Variants in PRR14L observed in about 807,000 individuals in gnomAD.
PRR14L encodes protein PRR14L.
Under a neutral mutation model 155.0 loss-of-function variants are expected in PRR14L, and 80 were observed. The observed-to-expected ratio is 0.52, with a 90% CI of 0.43 to 0.62. The LOEUF is 0.62. PRR14L is among the 20% of genes least tolerant of loss of function. The pLI, the probability that PRR14L is intolerant of heterozygous loss-of-function variation, is 0.00. For missense variants in PRR14L, 2,469 were observed against 2,548.0 expected (o/e 0.97, Z 0.67); for synonymous variants, 883 against 916.0 (o/e 0.96, Z 0.65).
rs1272336354 is a variant in PRR14L, at chr22:31,713,342, G to A, written c.4497C>T (p.Ser1499=). The change falls in exon 4 of 9, where the codon TCC becomes TCT. Residue 1499 remains serine, a synonymous_variant. Coordinates refer to ENST00000327423, the MANE Select transcript of PRR14L (RefSeq NM_173566.3). ...LGAPRKAQDP[S]SAGCDQIHGA... ...CATGTATTTGATCACACCCAGCAGAGGAGGGGTCTTGTGCTTTCCGAGGGG... is the reference window on the plus strand; with the variant it reads ...CATGTATTTGATCACACCCAGCAGAAGAGGGGTCTTGTGCTTTCCGAGGGG... The A allele has an allele frequency of 1.9e-6, 3 of 1,552,164 alleles. No individual in the cohort carries two copies. The African/African-American group carries it at 4.1e-5, about 21-fold the overall frequency.
chr22:31,740,556 T>C (rs1426422837), intron 1 of PRR14L, among the ~76,000 whole-genome samples: 2 of 151,980 alleles, frequency 1.3e-5, no homozygotes, highest in African/African-American at 2.4e-5. Context: ...AGACAAAGTT[T>C]TGATATGTTG....
At chr22:31,749,490 CCT>C (rs1449211784) in intron 1 of PRR14L, among the ~76,000 whole-genome samples, 2 of 152,108 alleles carry the variant, frequency 1.3e-5, no homozygotes, top group Non-Finnish European at 2.9e-5. Flanking sequence ...AGAAAGATCC[CCT>C]CTGTCACTTT....
intron 2 of PRR14L, among the ~76,000 whole-genome samples, chr22:31,728,173 AT>A (rs899955347): frequency 3.9e-5 from 6 of 152,138 alleles, no homozygotes; most frequent in African/African-American, 1.4e-4. Flanking sequence ...TGCAATGGAC[AT>A]GTAACATGAT....
At chr22:31,726,837 A>C (rs2074719015) in intron 2 of PRR14L, among the ~76,000 whole-genome samples, 1 of 149,930 alleles carries the variant, frequency 6.7e-6, no homozygotes, top group Non-Finnish European at 1.5e-5. Context: ...CAAAACACCC[A>C]GTCAGGACAG....
rs1262988366 is a variant in PRR14L, at chr22:31,738,596, G to A, written c.265C>T (p.Pro89Ser). The A allele has an allele frequency of 1.3e-6, 2 of 1,551,990 alleles. No individual in the cohort carries two copies. The highest frequency in any genetic ancestry group is 1.7e-6 in the Non-Finnish European group (2 of 1,147,072). The change falls in exon 2 of 9, where the codon CCT becomes TCT. Residue 89 changes from proline to serine, a missense_variant. By Grantham distance (74) the Pro-to-Ser change is moderately conservative. Transcript: ENST00000327423. ...TYETLDHGSE[P>S]GRCGLVDSTA... ...GAGTCCACTAGCCCACATCGCCCAG[G>A]CTCACTCCCATGATCCAAGGTCTCA...
chr22:31,685,838 T>A, intron 8 of PRR14L, 35 bp from the exon 9 acceptor site: 1 of 1,539,274 alleles, frequency 6.5e-7, no homozygotes, highest in Non-Finnish European at 8.8e-7. Context: ...ACCAACAGAC[T>A]GACTCACATG....
intron 7 of PRR14L, among the ~76,000 whole-genome samples, chr22:31,689,281 G>A (rs891511430): frequency 2.0e-5 from 3 of 152,050 alleles, no homozygotes; most frequent in Admixed American, 6.6e-5. Context: ...CCAAGAGTTC[G>A]AGACCAGCCT....
intron 3 of PRR14L, among the ~76,000 whole-genome samples, chr22:31,722,131 G>A (rs1368104713): frequency 1.3e-5 from 2 of 152,036 alleles, no homozygotes; most frequent in Non-Finnish European, 2.9e-5. Context: ...GATTTTCATC[G>A]AGAAAACTTA....
At chr22:31,732,812 T>C (rs79170757) in intron 2 of PRR14L, among the ~76,000 whole-genome samples, 1 of 152,278 alleles carries the variant, frequency 6.6e-6, no homozygotes, top group East Asian at 1.9e-4. Context: ...TATATAGAGA[T>C]CTTCCTTGTT....
intron 6 of PRR14L, among the ~76,000 whole-genome samples, chr22:31,703,002 GAC>G (rs927385821): frequency 7.3e-5 from 11 of 150,866 alleles, no homozygotes; most frequent in African/African-American, 1.2e-4. Context: ...TTTTTGTAGA[GAC>G]ACAGTTTTGC....
In PRR14L at chr22:31,681,937, CT is replaced by C. The variant is rs1438721441; in HGVS notation, c.*3589del. On this transcript the variant is annotated 3_prime_UTR_variant, in exon 9 of 9. Transcript: ENST00000327423. ...CCTTTCCATGACACCAGGGGAAAAG[CT>C]TACAGAAACAAAACAGAACAAGGGA... The C allele has an allele frequency of 6.6e-6, 1 of 152,118 alleles. No homozygotes were observed. Among genetic ancestry groups the C allele is most frequent in the Non-Finnish European group, 1.5e-5 (1 of 68,004 alleles). The allele number at this position is 152,118 out of a possible 1,614,324, so 9.4% of individuals were successfully genotyped here.
At chr22:31,721,498 G>A (rs2074689921) in intron 3 of PRR14L, among the ~76,000 whole-genome samples, 5 of 151,844 alleles carry the variant, frequency 3.3e-5, no homozygotes. Flanking sequence ...AACCCGGGAG[G>A]CGGAGTTTGC....
chr22:31,734,336 T>G (rs2074767125), intron 2 of PRR14L, among the ~76,000 whole-genome samples: 1 of 152,194 alleles, frequency 6.6e-6, no homozygotes, highest in Admixed American at 6.6e-5. Context: ...CTTCATGTAT[T>G]ACAGATATAG....
chr22:31,732,342 T>G (rs1396621279), intron 2 of PRR14L, among the ~76,000 whole-genome samples: 1 of 152,172 alleles, frequency 6.6e-6, no homozygotes, highest in Non-Finnish European at 1.5e-5. Flanking sequence ...GAACTAGAGT[T>G]TGGGAGTTTC....
intron 7 of PRR14L, among the ~76,000 whole-genome samples, chr22:31,695,993 T>G (rs984702922): frequency 5.3e-5 from 8 of 152,142 alleles, no homozygotes; most frequent in African/African-American, 1.9e-4. Flanking sequence ...AATACTAAGG[T>G]AAAAATCCTA....
chr22:31,725,250 T>A (rs142034662), intron 3 of PRR14L, among the ~76,000 whole-genome samples: 1 of 151,864 alleles, frequency 6.6e-6, no homozygotes, highest in Admixed American at 6.6e-5. Context: ...AAAAAAAATT[T>A]ACAAAATCAG....
chr22:31,730,542 G>A (rs114331131), intron 2 of PRR14L, among the ~76,000 whole-genome samples: 2,267 of 152,310 alleles, frequency 0.015, 57 homozygotes, highest in African/African-American at 0.053. Context: ...GTCCTATCAC[G>A]GTGTTAGGGT....
Position 31,683,503 on chromosome 22 carries a change from T to C in PRR14L, c.*2024A>G, listed in dbSNP as rs1354423145. On this transcript the variant is annotated 3_prime_UTR_variant, in exon 9 of 9. Transcript: ENST00000327423. The stretch of plus-strand genomic sequence containing the variant: ...CCCTGTCCCAGGAAGGGAGAGGTAT[T>C]GAGGTGAAACATAGGTCGTGTCTAT... 2.0e-5 allele frequency: 3 copies of C among 152,258 alleles called. No homozygotes were observed. The highest frequency in any genetic ancestry group is 2.1e-4 in the South Asian group (1 of 4,828). The allele number at this position is 152,258 out of a possible 1,614,324, so 9.4% of individuals were successfully genotyped here.
chr22:31,742,884 C>T (rs2074819819), intron 1 of PRR14L, among the ~76,000 whole-genome samples: 1 of 152,034 alleles, frequency 6.6e-6, no homozygotes, highest in African/African-American at 2.4e-5. Context: ...ATTATTCAGC[C>T]ATAAAAAGGA....
Sources: gnomAD v4.1 joint callset for allele counts (sites outside exome capture counted in the v4.1 genomes callset) on GRCh38, gnomAD v4.1.1 for gene constraint, MANE v1.5 for transcripts, NCBI Gene and HGNC (gene_info 2026-07-23, HGNC 2026-07-21) for gene names.